MYO9A: variants seen among roughly 807,000 people sequenced by gnomAD.
MYO9A encodes unconventional myosin-IXa.
Under a neutral mutation model 293.3 loss-of-function variants are expected in MYO9A, and 103 were observed. The ratio of observed to expected loss-of-function variants is 0.35; its 90% CI spans 0.30 to 0.41. The LOEUF (loss-of-function observed/expected upper bound fraction) is 0.41. Ranked by LOEUF, MYO9A falls within the 10% of genes least tolerant of loss-of-function variation. The pLI is 1.00. For missense variants in MYO9A, 2,685 were observed against 3,033.0 expected, an observed-to-expected ratio of 0.89 and a Z score of 2.69; for synonymous variants, 1,001 against 1,035.7, an observed-to-expected ratio of 0.97 and a Z score of 0.64.
chr15:72,009,222 T>C (rs1191088232), intron 7 of MYO9A, among the ~76,000 whole-genome samples: 1 of 152,222 alleles, frequency 6.6e-6, no homozygotes, highest in Admixed American at 6.5e-5. Context: ...CTAATTTTCA[T>C]TGAACTGTAG....
At chr15:72,084,454 G>A (rs1035904640) in intron 1 of MYO9A, among the ~76,000 whole-genome samples, 2 of 152,102 alleles carry the variant, frequency 1.3e-5, no homozygotes, top group Admixed American at 6.6e-5. Context: ...TTTAATTGGA[G>A]CATTTAGCCT....
chr15:71,959,633 G>C (rs1596284408), intron 14 of MYO9A: 1 of 302,874 alleles, frequency 3.3e-6, no homozygotes, highest in East Asian at 5.9e-5. Context: ...CATGAACTAA[G>C]AGTAAAGGAA....
chr15:71,902,917 C>A, intron 22 of MYO9A, 24 bp downstream of exon 22: 1 of 1,430,756 alleles, frequency 7.0e-7, no homozygotes, highest in South Asian at 1.5e-5. Flanking sequence ...CAATTTTGAC[C>A]AGAGCTATAC....
intron 1 of MYO9A, among the ~76,000 whole-genome samples, chr15:72,056,978 G>A (rs1300323870): frequency 2.0e-5 from 3 of 152,102 alleles, no homozygotes; most frequent in Admixed American, 6.6e-5. Flanking sequence ...GGCATGGTGG[G>A]TGCCTATAAT....
chr15:71,952,201 G>T (rs1417706530), intron 14 of MYO9A, among the ~76,000 whole-genome samples: 2 of 152,176 alleles, frequency 1.3e-5, no homozygotes, highest in African/African-American at 4.8e-5. Context: ...CAATTTGTAT[G>T]ATTTATTTTT....
At chr15:72,033,161 A>G (rs1314472434) in intron 2 of MYO9A, among the ~76,000 whole-genome samples, 1 of 152,146 alleles carries the variant, frequency 6.6e-6, no homozygotes, top group Non-Finnish European at 1.5e-5. Context: ...AAAATAAATC[A>G]TAATTTTAAA....
intron 6 of MYO9A, among the ~76,000 whole-genome samples, chr15:72,014,043 G>C (rs1277449906): frequency 6.6e-6 from 1 of 152,208 alleles, no homozygotes; most frequent in Non-Finnish European, 1.5e-5. Context: ...TTGGGCTCAA[G>C]TGATCTGCCT....
intron 15 of MYO9A, among the ~76,000 whole-genome samples, chr15:71,947,871 G>C (rs1356796676): frequency 6.6e-6 from 1 of 152,172 alleles, no homozygotes; most frequent in African/African-American, 2.4e-5. Flanking sequence ...TTCTACCCCT[G>C]CTCTCCTTCT....
intron 10 of MYO9A, among the ~76,000 whole-genome samples, chr15:71,994,218 C>A (rs1020058237): frequency 1.3e-5 from 2 of 151,856 alleles, no homozygotes; most frequent in Admixed American, 1.3e-4. Context: ...TGAAAGAATA[C>A]AGAGAGCATG....
chr15:72,100,674 C>T (rs1189673731), intron 1 of MYO9A, among the ~76,000 whole-genome samples: 1 of 150,816 alleles, frequency 6.6e-6, no homozygotes, highest in Non-Finnish European at 1.5e-5. Flanking sequence ...AGGTGAGGAG[C>T]ATCTCTGCCC....
At chr15:72,025,123 T>G (rs1403718580) in intron 4 of MYO9A, among the ~76,000 whole-genome samples, 4 of 151,614 alleles carry the variant, frequency 2.6e-5, no homozygotes, top group Non-Finnish European at 1.5e-5. Context: ...AGGTTAAAAA[T>G]AAAAAGATGG....
At chr15:71,893,889 C>T (rs1205681709) in intron 25 of MYO9A, 111 bp from the exon 26 acceptor site, 2 of 821,668 alleles carry the variant, frequency 2.4e-6, no homozygotes, top group African/African-American at 1.7e-5. Context: ...TAGTCAATTC[C>T]CAAGACAATT....
intron 2 of MYO9A, among the ~76,000 whole-genome samples, chr15:72,038,612 A>C (rs1027014121): frequency 3.9e-5 from 6 of 152,170 alleles, no homozygotes; most frequent in Non-Finnish European, 5.9e-5. Flanking sequence ...CACACACACA[A>C]AAAGCACCTT....
intron 18 of MYO9A, among the ~76,000 whole-genome samples, chr15:71,917,827 A>G (rs528048678): frequency 3.3e-5 from 5 of 152,336 alleles, no homozygotes; most frequent in African/African-American, 1.2e-4. Context: ...TGTTAAAAAC[A>G]TGACAAATTT....
In MYO9A at chr15:71,998,903, T is replaced by C. The variant is rs181414815; in HGVS notation, c.1470+948A>G. 16 of 152,296 alleles carry C rather than the reference T, an allele frequency of 1.1e-4. No individual in the cohort carries two copies. The East Asian group carries it at 2.7e-3, about 26-fold the overall frequency. The allele number at this position is 152,296 out of a possible 1,614,324, so 9.4% of individuals were successfully genotyped here. Reference sequence around the variant, plus strand: ...TTCACCCATGTCCCTACAAAGGACATGAACTCATCATTTTTTATGGCTGCA... The same window carrying C: ...TTCACCCATGTCCCTACAAAGGACACGAACTCATCATTTTTTATGGCTGCA... On this transcript the variant is annotated intron_variant, in intron 9 of 41. Transcript: ENST00000356056.
chr15:71,868,967 A>G (rs1050297415), intron 32 of MYO9A, among the ~76,000 whole-genome samples: 3 of 152,172 alleles, frequency 2.0e-5, no homozygotes, highest in Non-Finnish European at 4.4e-5. Flanking sequence ...AATTATCACA[A>G]ATTTGTCCAG....
chr15:71,965,683 G>A (rs753142615), intron 13 of MYO9A, among the ~76,000 whole-genome samples: 4 of 152,060 alleles, frequency 2.6e-5, no homozygotes, highest in Non-Finnish European at 5.9e-5. Flanking sequence ...AGGTTGCAGT[G>A]AGTCGAGATC....
chr15:71,898,941 C>G lies in MYO9A; in HGVS notation c.3562G>C (p.Gly1188Arg), dbSNP rs1475740014. The G allele has an allele frequency of 6.2e-7, 1 of 1,614,034 alleles. No homozygotes were observed. Among genetic ancestry groups the G allele is most frequent in the African/African-American group, 1.3e-5 (1 of 75,026 alleles). The change falls in exon 25 of 42, where the codon GGT (glycine) becomes CGT (arginine). Residue 1188 changes from glycine to arginine, a missense_variant. Physicochemically the swap from Gly to Arg is moderately radical, Grantham distance 125. Around this residue, in one of 10 missense-constraint regions of MYO9A, gnomAD observed 1,434 missense variants for 1,497.7 expected, o/e 0.96. Coordinates refer to ENST00000356056, the MANE Select transcript of MYO9A (RefSeq NM_006901.4). Reference protein sequence around the residue: ...IKGYGSLEIQGSDPSGWEDCS... With the variant: ...IKGYGSLEIQRSDPSGWEDCS... ...TCCTCCCATCCTGAAGGGTCTGAAC[C>G]CTGAATTTCCAGAGATCCATATCCC...
At chr15:72,007,681 C>A (rs1046291416) in intron 8 of MYO9A, 145 bp downstream of exon 8, 6 of 758,594 alleles carry the variant, frequency 7.9e-6, no homozygotes, top group Non-Finnish European at 1.2e-5. Flanking sequence ...AAAATTAGAT[C>A]TTTTGGAAAT....
Sources: allele counts gnomAD v4.1 joint callset (sites outside exome capture counted in the v4.1 genomes callset), GRCh38; gene constraint gnomAD v4.1.1; regional missense constraint gnomAD v4.1.1; transcripts MANE v1.5; gene names NCBI Gene and HGNC (gene_info 2026-07-23, HGNC 2026-07-21).